The following COL21A1 variants were observed in gnomAD, a reference collection of about 807,000 sequenced individuals.
COL21A1 encodes collagen alpha-1(XXI) chain.
In COL21A1, 149 loss-of-function variants were observed where a neutral mutation model predicts 137.9. The ratio of observed to expected loss-of-function variants is 1.08; its 90% CI spans 0.95 to 1.24. The LOEUF is 1.24. COL21A1 is among the 50% of genes most tolerant of loss of function. The pLI is 0.00. For synonymous variants in COL21A1, 456 were observed against 391.5 expected, an observed-to-expected ratio of 1.16 and a Z score of -1.95; for missense variants, 1,167 against 1,158.4, an observed-to-expected ratio of 1.01 and a Z score of -0.11.
chr6:56,326,051 A>G (rs1765082892), intron 1 of COL21A1, among the ~76,000 whole-genome samples: 1 of 17,724 alleles, frequency 5.6e-5, no homozygotes, highest in South Asian at 9.7e-4. Flanking sequence ...ATGTATGTAT[A>G]CAAGTATTAA....
intron 23 of COL21A1, among the ~76,000 whole-genome samples, chr6:56,065,980 C>A (rs1253211419): frequency 6.6e-6 from 1 of 151,826 alleles, no homozygotes; most frequent in Non-Finnish European, 1.5e-5. Context: ...TAGAAGGTGT[C>A]AAGTTCAAGA....
At chr6:56,222,856 T>C (rs568503281) in intron 1 of COL21A1, among the ~76,000 whole-genome samples, 1 of 152,280 alleles carries the variant, frequency 6.6e-6, no homozygotes, top group African/African-American at 2.4e-5. Context: ...TCCAAAAAAC[T>C]GAAGCCTACT....
chr6:56,122,312 C>CTT (rs11410654), intron 16 of COL21A1, among the ~76,000 whole-genome samples: 11,646 of 143,890 alleles, frequency 0.081, 494 homozygotes, highest in Admixed American at 0.12. Context: ...CATGCGGTTT[C>CTT]TTTTTTTTTT....
At chr6:56,113,591 T>C (rs1160430730) in intron 16 of COL21A1, among the ~76,000 whole-genome samples, 1 of 152,176 alleles carries the variant, frequency 6.6e-6, no homozygotes, top group Non-Finnish European at 1.5e-5. Flanking sequence ...AGGGCCTTGG[T>C]GAACCTCTGA....
intron 17 of COL21A1, among the ~76,000 whole-genome samples, chr6:56,097,976 T>TGTATATAA (rs1769640809): frequency 1.7e-5 from 1 of 57,528 alleles, no homozygotes; most frequent in East Asian, 6.0e-4. Flanking sequence ...AATATATAAA[T>TGTATATAA]ATATATAAAT....
intron 16 of COL21A1, among the ~76,000 whole-genome samples, chr6:56,112,643 C>G (rs1446557743): frequency 6.6e-6 from 1 of 151,354 alleles, no homozygotes; most frequent in Non-Finnish European, 1.5e-5. Flanking sequence ...CCAAACTCAA[C>G]TGATGCCTGC....
At chr6:56,205,077 C>T (rs1380749148) in intron 1 of COL21A1, among the ~76,000 whole-genome samples, 1 of 152,170 alleles carries the variant, frequency 6.6e-6, no homozygotes, top group Non-Finnish European at 1.5e-5. Flanking sequence ...AACACCTCTT[C>T]TCCTCCAAAG....
chr6:56,069,288 T>TTTCTTG (rs1476062775), intron 21 of COL21A1, among the ~76,000 whole-genome samples, 171 bp from the exon 22 acceptor site: 5 of 151,612 alleles, frequency 3.3e-5, no homozygotes, highest in Non-Finnish European at 7.4e-5. Context: ...CCCAGTAAAA[T>TTTCTTG]TTCTTGTATT....
chr6:56,150,289 C>A (rs575255963), intron 10 of COL21A1, among the ~76,000 whole-genome samples: 2 of 152,208 alleles, frequency 1.3e-5, no homozygotes, highest in South Asian at 2.1e-4. Flanking sequence ...GAGGTCGAGG[C>A]GGGCGGATCA....
At chr6:56,268,325 G>T (rs2152331935) in intron 1 of COL21A1, among the ~76,000 whole-genome samples, 1 of 152,302 alleles carries the variant, frequency 6.6e-6, no homozygotes, top group South Asian at 2.1e-4. Context: ...CATGGGTGCG[G>T]TTCCAGGGAT....
Position 56,093,423 on chromosome 6 carries a change from T to A in COL21A1, c.1812+8049A>T, listed in dbSNP as rs150206425. 2.4e-3 allele frequency among the ~76,000 whole-genome samples: 364 copies of A among 152,294 alleles called. 1 individual carries two copies. Among genetic ancestry groups the A allele is most frequent in the Middle Eastern group, 0.01 (3 of 294 alleles). ...CATCCTAGGACAATATCCCTTTCCA[T>A]CTGTGAACCTATAGACTACAGAGCA... On this transcript the variant is annotated intron_variant, in intron 17 of 29. Coordinates refer to ENST00000244728, the MANE Select transcript of COL21A1 (RefSeq NM_030820.4).
chr6:56,260,685 AAGGAAGGC>A (rs1562028966), intron 1 of COL21A1, among the ~76,000 whole-genome samples: 147 of 105,236 alleles, frequency 1.4e-3, no homozygotes, highest in African/African-American at 5.6e-3. Context: ...GGAAGGAAGG[AAGGAAGGC>A]AGGCAGGCAG....
chr6:56,063,206 G>C (rs1459521578), intron 24 of COL21A1, among the ~76,000 whole-genome samples: 3 of 152,136 alleles, frequency 2.0e-5, no homozygotes, highest in East Asian at 3.9e-4. Flanking sequence ...TTTTCCTTGA[G>C]AAGTGAAAAA....
intron 1 of COL21A1, among the ~76,000 whole-genome samples, chr6:56,185,969 A>G (rs981293096): frequency 2.6e-5 from 4 of 152,112 alleles, no homozygotes; most frequent in Non-Finnish European, 4.4e-5. Context: ...CCCAATTTTT[A>G]TTATGAGGCC....
chr6:56,251,664 T>C (rs1782858181), upstream of COL21A1, among the ~76,000 whole-genome samples: 1 of 152,230 alleles, frequency 6.6e-6, no homozygotes, highest in Non-Finnish European at 1.5e-5. Context: ...GACTAGCCCC[T>C]GTCCTCCCTC....
intron 12 of COL21A1, among the ~76,000 whole-genome samples, chr6:56,127,191 C>T (rs1773115140): frequency 6.6e-6 from 1 of 152,188 alleles, no homozygotes; most frequent in African/African-American, 2.4e-5. Flanking sequence ...CAAAAATCCC[C>T]TTAATCCTCA....
intron 1 of COL21A1, among the ~76,000 whole-genome samples, chr6:56,352,318 T>C (rs1368794360): frequency 7.9e-5 from 12 of 152,098 alleles, no homozygotes; most frequent in Non-Finnish European, 1.5e-5. Context: ...ACATAGTCGG[T>C]CTTGTGGACA....
At chr6:56,232,049 T>C (rs571372943) in intron 1 of COL21A1, among the ~76,000 whole-genome samples, 165 of 151,990 alleles carry the variant, frequency 1.1e-3, no homozygotes, top group African/African-American at 3.8e-3. Flanking sequence ...CAGTCAAATG[T>C]TGACTATCTG....
At chr6:56,076,054 T>C (rs1319287678) in intron 18 of COL21A1, among the ~76,000 whole-genome samples, 1 of 151,456 alleles carries the variant, frequency 6.6e-6, no homozygotes, top group Non-Finnish European at 1.5e-5. Flanking sequence ...TTTAATGAAA[T>C]ATACTTTGAG....
Sources: gnomAD v4.1 joint callset for allele counts (sites outside exome capture counted in the v4.1 genomes callset) on GRCh38, gnomAD v4.1.1 for gene constraint, MANE v1.5 for transcripts, NCBI Gene and HGNC (gene_info 2026-07-23, HGNC 2026-07-21) for gene names.